Variants in PHIP observed in about 807,000 individuals in gnomAD.
PHIP encodes the protein PHIP subunit of CUL4-Ring ligase complex.
Under a neutral mutation model 236.8 loss-of-function variants are expected in PHIP, and 54 were observed. That is an observed-to-expected ratio of 0.23 (90% CI 0.18 to 0.29). PHIP has a LOEUF of 0.29. Among genes scored for constraint, PHIP ranks in the 10% least tolerant of loss-of-function variants. PHIP has a pLI of 1.00. For synonymous variants in PHIP, 756 were observed against 718.9 expected, an observed-to-expected ratio of 1.05 and a Z score of -0.83; for missense variants, 1,370 against 2,190.8, an observed-to-expected ratio of 0.63 and a Z score of 7.48.
chr6:78,997,783 C>T (rs1259632872), intron 18 of PHIP, among the ~76,000 whole-genome samples, 186 bp from the exon 19 acceptor site: 1 of 152,100 alleles, frequency 6.6e-6, no homozygotes, highest in Non-Finnish European at 1.5e-5. Context: ...CATGGTTATT[C>T]AGTTGATTAG....
intron 23 of PHIP, 44 bp downstream of exon 23, chr6:78,982,842 T>C (rs1475083988): frequency 1.7e-6 from 2 of 1,170,574 alleles, no homozygotes; most frequent in African/African-American, 1.5e-5. Context: ...TGCTTTAAAC[T>C]GTTTCTCTAG....
chr6:78,993,209 A>G (rs1332274257), intron 19 of PHIP, among the ~76,000 whole-genome samples: 1 of 152,244 alleles, frequency 6.6e-6, no homozygotes, highest in Non-Finnish European at 1.5e-5. Context: ...AAAAGTTGGA[A>G]GCTAGCAGAG....
rs187932042 is a variant in PHIP, at chr6:79,060,927, G to A, written c.190-109C>T. The stretch of plus-strand genomic sequence containing the variant: ...CCAAGTATAAAATATTTTGTTTTGC[G>A]TCTTTGATGTAAAGTAAATCTCCAG... On this transcript the variant is annotated intron_variant, in intron 4 of 39. Coordinates refer to ENST00000275034, the MANE Select transcript of PHIP (RefSeq NM_017934.7). 612 of 657,172 alleles carry A rather than the reference G, an allele frequency of 9.3e-4. 9 individuals carry two copies. The highest frequency in any genetic ancestry group is 6.5e-3 in the South Asian group (259 of 39,806). The allele number at this position is 657,172 out of a possible 1,614,324, so 40.7% of individuals were successfully genotyped here. A position where few individuals can be genotyped will look rare whatever the true frequency, so the allele number is the denominator to read the frequency against.
chr6:79,059,775 G>A (rs964024602), intron 6 of PHIP, among the ~76,000 whole-genome samples: 5 of 151,548 alleles, frequency 3.3e-5, no homozygotes, highest in Non-Finnish European at 5.9e-5. Flanking sequence ...AGCTATGATT[G>A]AACTTTGAAG....
At chr6:78,948,266 G>GT (rs996294058) in intron 35 of PHIP, among the ~76,000 whole-genome samples, 1 of 152,072 alleles carries the variant, frequency 6.6e-6, no homozygotes, top group Admixed American at 6.6e-5. Flanking sequence ...AAAATTGGGA[G>GT]TTTTGCTTTG....
intron 35 of PHIP, among the ~76,000 whole-genome samples, chr6:78,954,134 C>A (rs1328999156): frequency 1.3e-5 from 2 of 152,186 alleles, no homozygotes; most frequent in African/African-American, 2.4e-5. Context: ...CAGTCTCTTG[C>A]TCTGTCGCCC....
chr6:78,981,953 C>T (rs1768566451), intron 23 of PHIP, among the ~76,000 whole-genome samples: 1 of 151,904 alleles, frequency 6.6e-6, no homozygotes, highest in Non-Finnish European at 1.5e-5. Context: ...AATTATAAAG[C>T]TGAAACAAGA....
At chr6:78,993,337 A>G (rs1450201208) in intron 19 of PHIP, among the ~76,000 whole-genome samples, 1 of 152,262 alleles carries the variant, frequency 6.6e-6, no homozygotes, top group Non-Finnish European at 1.5e-5. Context: ...ATCACTGAAG[A>G]CAGTAGCTAC....
chr6:78,997,618 A>G (rs963290607), intron 18 of PHIP, 21 bp from the exon 19 acceptor site: 3 of 1,578,798 alleles, frequency 1.9e-6, no homozygotes, highest in Non-Finnish European at 2.6e-6. Flanking sequence ...AAGTTACTAT[A>G]TTAAGTTCTA....
At position 79,037,103 on chromosome 6, in the gene PHIP, T is replaced by C. The variant is rs116406633; in HGVS notation, c.600+5740A>G. Among the ~76,000 whole-genome samples the C allele has an allele frequency of 3.4e-3, 514 of 152,178 alleles. 2 individuals carry two copies. The highest frequency in any genetic ancestry group is 0.011 in the African/African-American group (449 of 41,518). On this transcript the variant is annotated intron_variant, in intron 7 of 39. Coordinates refer to ENST00000275034, the MANE Select transcript of PHIP (RefSeq NM_017934.7). ...CCAAATCTACAGGGCCTATTCAAAT[T>C]TTGTCAACTGTTTTGTCAACAATGT...
intron 35 of PHIP, among the ~76,000 whole-genome samples, chr6:78,951,076 C>T (rs1252515907): frequency 6.6e-6 from 1 of 152,016 alleles, no homozygotes; most frequent in Non-Finnish European, 1.5e-5. Context: ...TTTTTAAATT[C>T]CCATGAGATT....
Position 79,078,037 on chromosome 6 carries a change from A to T in PHIP, c.32T>A (p.Leu11Gln). 6.2e-7 allele frequency: 1 copy of T among 1,608,916 alleles called. No homozygotes were observed. The highest frequency in any genetic ancestry group is 8.5e-7 in the Non-Finnish European group (1 of 1,179,280). ...GCAGCCCCCCGACTTACCCGATCGCAGCTCCGAGAGGCCTTTCCTCTCACA... is the reference window on the plus strand; with the variant it reads ...GCAGCCCCCCGACTTACCCGATCGCTGCTCCGAGAGGCCTTTCCTCTCACA... MSCERKGLSE[L>Q]RSELYFLIAR... is the part of the protein sequence containing the mutation. Residue 11 changes from leucine (L) to glutamine (Q), a missense_variant, in exon 1 of 40, where the codon CTG becomes CAG. This residue lies in a region of PHIP where 43 missense variants were observed against 53.8 expected (regional missense o/e 0.80). Transcript: ENST00000275034.
chr6:78,970,767 A>C lies in PHIP; in HGVS notation c.2997+14T>G, dbSNP rs1767480828. On this transcript the variant is annotated intron_variant, in intron 25 of 39. Coordinates refer to ENST00000275034, the MANE Select transcript of PHIP (RefSeq NM_017934.7). Reference sequence around the variant, plus strand: ...GTATTTTTGGGGCTATTAAATAATAAATCAATGTCATACCCGTAGCTCCAT... The same window carrying C: ...GTATTTTTGGGGCTATTAAATAATACATCAATGTCATACCCGTAGCTCCAT... 3.3e-6 allele frequency: 5 copies of C among 1,497,564 alleles called. No homozygotes were observed. The highest frequency in any genetic ancestry group is 1.9e-4 in the Middle Eastern group (1 of 5,150). The allele number at this position is 1,497,564 out of a possible 1,614,324, so 92.8% of individuals were successfully genotyped here.
intron 7 of PHIP, among the ~76,000 whole-genome samples, chr6:79,035,290 T>G (rs1309194035): frequency 4.6e-5 from 7 of 152,252 alleles, no homozygotes; most frequent in Non-Finnish European, 1.5e-5. Context: ...ACTTTCAATA[T>G]AAAGCTTTTC....
chr6:78,989,838 C>A (rs1158383115), intron 20 of PHIP, among the ~76,000 whole-genome samples: 1 of 152,112 alleles, frequency 6.6e-6, no homozygotes, highest in African/African-American at 2.4e-5. Flanking sequence ...AAAAAAGGTA[C>A]GCTTTCCACT....
intron 15 of PHIP, among the ~76,000 whole-genome samples, chr6:79,011,691 C>G (rs1318771221): frequency 6.6e-6 from 1 of 151,638 alleles, no homozygotes; most frequent in Non-Finnish European, 1.5e-5. Context: ...AAAAATAAAC[C>G]CCTCAGTTTC....
In PHIP at chr6:79,019,034, A is replaced by G. The variant is rs991708247; in HGVS notation, c.994+55T>C. ...TTTCCTAAATATTACACACTCCACT[A>G]TAAGGCTTCTAAATGAACAACTTTA... is the stretch of plus-strand genomic sequence containing the variant. On this transcript the variant is annotated intron_variant, in intron 10 of 39. Transcript: ENST00000275034. The G allele has an allele frequency of 3.3e-6, 4 of 1,221,202 alleles. No individual in the cohort carries two copies. The African/African-American group carries it at 6.0e-5, about 18-fold the overall frequency. The allele number at this position is 1,221,202 out of a possible 1,614,324, so 75.6% of individuals were successfully genotyped here.
In PHIP at chr6:78,961,681, G is replaced by T; in HGVS notation, c.3656+9C>A. ...TCCTTTGATAGTAGCTACATCAAATGGTTCTAACCTGTAAAACCTGTTTTC... is the reference window on the plus strand; with the variant it reads ...TCCTTTGATAGTAGCTACATCAAATTGTTCTAACCTGTAAAACCTGTTTTC... On this transcript the variant is annotated intron_variant, in intron 31 of 39. Transcript: ENST00000275034. 6.2e-7 allele frequency: 1 copy of T among 1,609,992 alleles called. No individual in the cohort carries two copies. The highest frequency in any genetic ancestry group is 1.1e-5 in the South Asian group (1 of 90,444).
chr6:79,034,493 C>G (rs1399038479), intron 7 of PHIP, among the ~76,000 whole-genome samples: 1 of 152,132 alleles, frequency 6.6e-6, no homozygotes, highest in African/African-American at 2.4e-5. Context: ...CAATTCGATG[C>G]AGAAACCAAA....
Sources: allele counts gnomAD v4.1 joint callset (sites outside exome capture counted in the v4.1 genomes callset), GRCh38; gene constraint gnomAD v4.1.1; regional missense constraint gnomAD v4.1.1; transcripts MANE v1.5; gene names NCBI Gene and HGNC (gene_info 2026-07-23, HGNC 2026-07-21).